The following GRM7 variants were observed in gnomAD, a reference collection of about 807,000 sequenced individuals.
GRM7 encodes metabotropic glutamate receptor 7.
Under a neutral mutation model 84.5 loss-of-function variants are expected in GRM7, and 35 were observed. The observed-to-expected ratio is 0.41, with a 90% CI of 0.32 to 0.55. GRM7 has a LOEUF of 0.55. GRM7 is among the 20% of genes least tolerant of loss of function. The probability of loss-of-function intolerance (pLI) is 0.19; values close to 1 mark genes in which losing one functional copy is unlikely to be tolerated. For synonymous variants in GRM7, 487 were observed against 455.1 expected (o/e 1.07, Z -0.89); for missense variants, 1,003 against 1,194.6 (o/e 0.84, Z 2.36).
At chr3:7,053,494 A>T (rs895879807) in intron 1 of GRM7, among the ~76,000 whole-genome samples, 1 of 151,680 alleles carries the variant, frequency 6.6e-6, no homozygotes, top group Admixed American at 6.6e-5. Context: ...TTTCTCTAGA[A>T]ATTTTATAGT....
chr3:7,739,171 C>G (rs988353533), intron 9 of GRM7, among the ~76,000 whole-genome samples: 2 of 152,102 alleles, frequency 1.3e-5, no homozygotes, highest in Non-Finnish European at 2.9e-5. Flanking sequence ...AATTTTTAAT[C>G]CAGAAAAGAA....
intron 1 of GRM7, among the ~76,000 whole-genome samples, chr3:6,951,046 G>A (rs921470101): frequency 6.6e-6 from 1 of 152,148 alleles, no homozygotes; most frequent in Admixed American, 6.5e-5. Context: ...CACGCACAGT[G>A]CGCTGCACCC....
intron 4 of GRM7, among the ~76,000 whole-genome samples, chr3:7,378,361 A>G (rs900126269): frequency 2.6e-4 from 39 of 152,216 alleles, no homozygotes; most frequent in Admixed American, 2.6e-3. Flanking sequence ...AGAATCTACC[A>G]AGCCTGAAAA....
intron 4 of GRM7, among the ~76,000 whole-genome samples, chr3:7,350,504 C>T (rs1195306117): frequency 1.3e-5 from 2 of 152,088 alleles, no homozygotes; most frequent in Non-Finnish European, 2.9e-5. Context: ...TGCAAGTTTC[C>T]TGAGTCCTCC....
intron 2 of GRM7, among the ~76,000 whole-genome samples, chr3:7,229,395 G>A (rs1697086285): frequency 6.6e-6 from 1 of 151,868 alleles, no homozygotes; most frequent in African/African-American, 2.4e-5. Context: ...AGCTGAGGAA[G>A]ATGAGGCAGA....
At chr3:6,888,369 A>G (rs1310506298) in intron 1 of GRM7, among the ~76,000 whole-genome samples, 2 of 152,158 alleles carry the variant, frequency 1.3e-5, no homozygotes, top group Non-Finnish European at 2.9e-5. Context: ...TTTTATGTCT[A>G]ACGTTTAAGT....
intron 4 of GRM7, among the ~76,000 whole-genome samples, chr3:7,335,342 A>C (rs1246950708): frequency 6.6e-6 from 1 of 152,130 alleles, no homozygotes; most frequent in African/African-American, 2.4e-5. Context: ...TTTGATGGAA[A>C]TTTAAAAATT....
chr3:7,574,501 C>A (rs1411950591), intron 7 of GRM7, among the ~76,000 whole-genome samples: 2 of 152,164 alleles, frequency 1.3e-5, no homozygotes, highest in African/African-American at 4.8e-5. Flanking sequence ...ATAGCTCTAA[C>A]CATCATGTAT....
intron 4 of GRM7, among the ~76,000 whole-genome samples, chr3:7,362,498 T>C (rs1693708666): frequency 6.6e-6 from 1 of 152,072 alleles, no homozygotes. Context: ...AATCTTTTTT[T>C]TTCCCCACAG....
intron 1 of GRM7, among the ~76,000 whole-genome samples, chr3:6,892,168 A>G (rs773742226): frequency 4.6e-5 from 7 of 152,066 alleles, no homozygotes; most frequent in Non-Finnish European, 7.4e-5. Context: ...CTTCCTTGAA[A>G]CTGGAAGACA....
chr3:6,891,707 T>C (rs1695956376), intron 1 of GRM7, among the ~76,000 whole-genome samples: 1 of 152,176 alleles, frequency 6.6e-6, no homozygotes, highest in Non-Finnish European at 1.5e-5. Context: ...GACAATTATG[T>C]GTGTTGGAGT....
intron 2 of GRM7, among the ~76,000 whole-genome samples, chr3:7,166,693 A>T (rs1161319947): frequency 6.6e-6 from 1 of 152,190 alleles, no homozygotes; most frequent in Non-Finnish European, 1.5e-5. Flanking sequence ...ATTCCAGGGC[A>T]GCTGCTTATT....
intron 9 of GRM7, among the ~76,000 whole-genome samples, chr3:7,687,746 A>G (rs942700635): frequency 1.3e-5 from 2 of 152,146 alleles, no homozygotes; most frequent in Non-Finnish European, 2.9e-5. Flanking sequence ...GTGTAATAGT[A>G]TTCCGAATAT....
intron 1 of GRM7, among the ~76,000 whole-genome samples, chr3:7,094,146 A>G (rs73115051): frequency 0.11 from 16,169 of 152,192 alleles, 1,424 homozygotes; most frequent in African/African-American, 0.25. Context: ...TATTTCAGTG[A>G]AAGAGACAGA....
At chr3:7,700,188 G>A (rs920857971) in intron 9 of GRM7, among the ~76,000 whole-genome samples, 3 of 152,092 alleles carry the variant, frequency 2.0e-5, no homozygotes, top group Non-Finnish European at 2.9e-5. Context: ...CTTTCAACAA[G>A]GGCACATCCC....
At chr3:7,466,892 A>C (rs1303229511) in intron 7 of GRM7, among the ~76,000 whole-genome samples, 1 of 152,220 alleles carries the variant, frequency 6.6e-6, no homozygotes, top group African/African-American at 2.4e-5. Context: ...CCTATAGACT[A>C]AAAACTCCTT....
At chr3:7,726,026 G>T (rs1575673299) in intron 9 of GRM7, among the ~76,000 whole-genome samples, 2 of 152,172 alleles carry the variant, frequency 1.3e-5, no homozygotes, top group South Asian at 4.1e-4. Flanking sequence ...GGGGAAAAAT[G>T]AAGACTAGAC....
chr3:7,023,933 G>A (rs191161830), intron 1 of GRM7, among the ~76,000 whole-genome samples: 26 of 152,302 alleles, frequency 1.7e-4, no homozygotes, highest in African/African-American at 3.1e-4. Flanking sequence ...CAGAGAATGC[G>A]TGATGCTAAT....
At chr3:7,480,320 T>G (rs1213212545) in intron 7 of GRM7, among the ~76,000 whole-genome samples, 1 of 152,160 alleles carries the variant, frequency 6.6e-6, no homozygotes, top group Non-Finnish European at 1.5e-5. Context: ...GAGCAATGTC[T>G]TAGGAAAAAG....
Sources: gnomAD v4.1 joint callset for allele counts (sites outside exome capture counted in the v4.1 genomes callset) on GRCh38, gnomAD v4.1.1 for gene constraint, MANE v1.5 for transcripts, NCBI Gene and HGNC (gene_info 2026-07-23, HGNC 2026-07-21) for gene names.